Variants in SFXN5 observed in about 807,000 individuals in gnomAD.
SFXN5 encodes sideroflexin 5, also known as sideroflexin-5.
SFXN5 carries 43 observed loss-of-function variants against 50.2 expected under a neutral mutation model. The ratio of observed to expected loss-of-function variants is 0.86; its 90% CI spans 0.67 to 1.11. The LOEUF (loss-of-function observed/expected upper bound fraction) is 1.11. Among genes scored for constraint, SFXN5 ranks in the 50% least tolerant of loss-of-function variants. The pLI is 0.00. For missense variants in SFXN5, 463 were observed against 454.1 expected, an observed-to-expected ratio of 1.02 and a Z score of -0.18; for synonymous variants, 203 against 185.8, an observed-to-expected ratio of 1.09 and a Z score of -0.75.
intron 3 of SFXN5, among the ~76,000 whole-genome samples, chr2:73,028,390 C>A (rs1044264881): frequency 3.3e-5 from 5 of 152,204 alleles, no homozygotes; most frequent in African/African-American, 1.2e-4. Context: ...CCAGTGACTG[C>A]TGCAACCCTC....
intron 1 of SFXN5, 131 bp downstream of exon 1, chr2:73,071,473 C>T: frequency 1.3e-6 from 1 of 768,390 alleles, no homozygotes; most frequent in Non-Finnish European, 2.1e-6. Flanking sequence ...CCGAGGTTCC[C>T]CCCCTGGCGC....
At chr2:73,022,166 A>T (rs1458708185) in intron 5 of SFXN5, among the ~76,000 whole-genome samples, 1 of 152,128 alleles carries the variant, frequency 6.6e-6, no homozygotes, top group East Asian at 1.9e-4. Context: ...CACCGGTGAG[A>T]GGGGGAATGA....
intron 6 of SFXN5, among the ~76,000 whole-genome samples, chr2:73,010,200 A>C (rs1196241751): frequency 6.6e-6 from 1 of 152,260 alleles, no homozygotes; most frequent in Non-Finnish European, 1.5e-5. Context: ...CTATATACCC[A>C]GCTAAATTCT....
intron 1 of SFXN5, among the ~76,000 whole-genome samples, chr2:73,066,494 G>C (rs1445443283): frequency 6.6e-6 from 1 of 151,762 alleles, no homozygotes; most frequent in African/African-American, 2.4e-5. Context: ...GGAGGCGGAG[G>C]TTGCAGTGAG....
At chr2:72,979,381 C>A (rs1278873088) in intron 10 of SFXN5, among the ~76,000 whole-genome samples, 1 of 152,068 alleles carries the variant, frequency 6.6e-6, no homozygotes, top group African/African-American at 2.4e-5. Context: ...TGCCTGTAAT[C>A]CCAGCACTTT....
Position 72,953,060 on chromosome 2 carries a change from C to T in SFXN5, c.946-7961G>A, listed in dbSNP as rs555997424. ...GGCAGCCCCGCCGAGGCCTGCCACC[C>T]GGGCATGTGTACATGTTCTTGCGTG... On this transcript the variant is annotated intron_variant, in intron 13 of 13. Coordinates refer to ENST00000272433, the MANE Select transcript of SFXN5 (RefSeq NM_144579.3). The surrounding 1 kb of genome is among the most constrained non-coding windows in gnomAD (Gnocchi z 4.1). Among the ~76,000 whole-genome samples the T allele has an allele frequency of 2.1e-3, 314 of 152,318 alleles. 1 individual carries two copies. Among genetic ancestry groups the T allele is most frequent in the African/African-American group, 7.2e-3 (299 of 41,584 alleles).
chr2:73,020,956 G>A (rs528182896), intron 5 of SFXN5: 1 of 152,456 alleles, frequency 6.6e-6, no homozygotes, highest in South Asian at 2.1e-4. Flanking sequence ...CCAGTGAGCA[G>A]TGGCTGGACA....
At chr2:72,981,518 C>A (rs1291433406) in intron 10 of SFXN5, among the ~76,000 whole-genome samples, 1 of 152,228 alleles carries the variant, frequency 6.6e-6, no homozygotes, top group African/African-American at 2.4e-5. Context: ...AATTCACAAT[C>A]CCTGCCAGGT....
intron 9 of SFXN5, chr2:72,998,537 G>A (rs902090694): frequency 2.2e-5 from 4 of 182,684 alleles, no homozygotes; most frequent in East Asian, 1.5e-4. Context: ...GCAGTGCCCC[G>A]GCAGCTGAGC....
In SFXN5 at chr2:72,952,206, A is replaced by G. The variant is rs571719346; in HGVS notation, c.946-7107T>C. On this transcript the variant is annotated intron_variant, in intron 13 of 13. Coordinates refer to ENST00000272433, the MANE Select transcript of SFXN5 (RefSeq NM_144579.3). ...CTTCTTCACCCATCAACTGCTGTCC[A>G]TTTTCTGTACATTCTAAGTATACGC... is the stretch of plus-strand genomic sequence containing the variant. Among the ~76,000 whole-genome samples the G allele has an allele frequency of 5.9e-5, 9 of 152,216 alleles. No homozygotes were observed. In the South Asian group the frequency reaches 1.9e-3, roughly 32 times the overall value.
chr2:73,029,866 GT>G (rs1199686204), intron 3 of SFXN5, among the ~76,000 whole-genome samples: 1 of 152,126 alleles, frequency 6.6e-6, no homozygotes, highest in African/African-American at 2.4e-5. Context: ...GAGCTCAGGA[GT>G]TTGAGAACAG....
Position 72,961,272 on chromosome 2 carries a change from C to T in SFXN5, c.828-24G>A, listed in dbSNP as rs769396979. The T allele has an allele frequency of 6.1e-6, 9 of 1,469,900 alleles. No homozygotes were observed. The highest frequency in any genetic ancestry group is 8.1e-6 in the Non-Finnish European group (9 of 1,111,844). 91.1% of individuals were successfully genotyped at this position (1,469,900 alleles called of 1,614,324 possible). A position where few individuals can be genotyped will look rare whatever the true frequency, so the allele number is the denominator to read the frequency against. On this transcript the variant is annotated intron_variant, in intron 12 of 13. Coordinates refer to ENST00000272433, the MANE Select transcript of SFXN5 (RefSeq NM_144579.3). The surrounding 1 kb of genome is among the most constrained non-coding windows in gnomAD (Gnocchi z 4.4). ...TCCTGTGAGGGAGAGAGGAGGGAGC[C>T]CCATGAGACCCGAAGGTGGGGTGGG...
At chr2:73,016,627 C>T (rs1475052499) in intron 6 of SFXN5, among the ~76,000 whole-genome samples, 1 of 152,192 alleles carries the variant, frequency 6.6e-6, no homozygotes, top group Non-Finnish European at 1.5e-5. Context: ...ATCGCTTGAA[C>T]CTGGCATCCG....
At chr2:73,016,213 C>A (rs976803188) in intron 6 of SFXN5, among the ~76,000 whole-genome samples, 2 of 152,088 alleles carry the variant, frequency 1.3e-5, no homozygotes, top group African/African-American at 4.8e-5. Flanking sequence ...TAGGAATTTA[C>A]CCTGAAGATA....
intron 2 of SFXN5, among the ~76,000 whole-genome samples, chr2:73,047,283 T>TATATATATATATATATACACAC (rs1325442108): frequency 6.8e-5 from 5 of 73,582 alleles, no homozygotes; most frequent in Admixed American, 1.8e-4. Flanking sequence ...TATACACACA[T>TATATATATATATATATACACAC]ATATATATAT....
intron 13 of SFXN5, among the ~76,000 whole-genome samples, chr2:72,946,351 A>G (rs1446920142): frequency 6.6e-6 from 1 of 151,906 alleles, no homozygotes; most frequent in Admixed American, 6.6e-5. Flanking sequence ...TTTTCAACCC[A>G]CAGTAAATCT....
chr2:72,981,125 C>T (rs555478054), intron 10 of SFXN5: 1 of 152,310 alleles, frequency 6.6e-6, no homozygotes, highest in Non-Finnish European at 1.5e-5. Flanking sequence ...ATCCAGGAGT[C>T]AGGCAGCTCA....
At chr2:73,065,791 G>C (rs1013093410) in intron 1 of SFXN5, among the ~76,000 whole-genome samples, 2 of 152,204 alleles carry the variant, frequency 1.3e-5, no homozygotes, top group Admixed American at 6.5e-5. Flanking sequence ...CTGTCATCAA[G>C]TGATCTGCCC....
chr2:73,047,255 T>TATATATATATATATACACAC (rs1680543322), intron 2 of SFXN5, among the ~76,000 whole-genome samples: 2 of 61,868 alleles, frequency 3.2e-5, no homozygotes, highest in Admixed American at 4.4e-4. Context: ...AATATATATA[T>TATATATATATATATACACAC]ATATATATAT....
Sources: gnomAD v4.1 joint callset for allele counts (sites outside exome capture counted in the v4.1 genomes callset) on GRCh38, gnomAD v4.1.1 for gene constraint, Gnocchi (gnomAD v3.1) non-coding constraint, MANE v1.5 for transcripts, NCBI Gene and HGNC (gene_info 2026-07-23, HGNC 2026-07-21) for gene names.